Variants in ZNF737 observed in about 807,000 individuals in gnomAD.
ZNF737 encodes the protein zinc finger protein 102 (Y3).
Under a neutral mutation model 11.7 loss-of-function variants are expected in ZNF737, and 13 were observed. The ratio of observed to expected loss-of-function variants is 1.11; its 90% CI spans 0.73 to 1.77. The LOEUF is 1.77. ZNF737 is among the 40% of genes most tolerant of loss of function. The pLI is 0.00. For missense variants in ZNF737, 636 were observed against 638.0 expected (o/e 1.00, Z 0.03); for synonymous variants, 217 against 216.2 (o/e 1.00, Z -0.03).
the ZNF737 span, among the ~76,000 whole-genome samples, chr19:20,530,358 G>A: frequency 6.8e-6 from 1 of 146,034 alleles, no homozygotes; most frequent in African/African-American, 2.5e-5. Context: ...CCGGGCGGGG[G>A]GCTGACCCCC....
At chr19:20,549,610 G>A (rs1468604082) in intron 3 of ZNF737, among the ~76,000 whole-genome samples, 1 of 151,880 alleles carries the variant, frequency 6.6e-6, no homozygotes, top group East Asian at 1.9e-4. Flanking sequence ...ATAAAATCTT[G>A]TATGCAACAT....
chr19:20,556,221 AATGT>A (rs1235017358), intron 1 of ZNF737, among the ~76,000 whole-genome samples: 2 of 152,152 alleles, frequency 1.3e-5, no homozygotes, highest in Non-Finnish European at 2.9e-5. Flanking sequence ...AACGCTCATG[AATGT>A]ATTTTGCAGC....
chr19:20,535,957 A>G, downstream of ZNF737: 1 of 506,984 alleles, frequency 2.0e-6, no homozygotes, highest in Non-Finnish European at 2.5e-6. Flanking sequence ...GAGCTTCTTC[A>G]GGATTTTTCA....
At chr19:20,537,963 C>A, downstream of ZNF737, 1 of 718,076 alleles carries the variant, frequency 1.4e-6, no homozygotes, top group Non-Finnish European at 1.7e-6. Context: ...TATACATAAT[C>A]TTTTAGTAAA....
intron 1 of ZNF737, among the ~76,000 whole-genome samples, chr19:20,557,565 G>T: frequency 6.8e-6 from 1 of 147,410 alleles, no homozygotes; most frequent in Admixed American, 6.8e-5. Flanking sequence ...TGTCAACTTT[G>T]TACTACATTC....
At chr19:20,531,659 T>A (rs1287300800), downstream of ZNF737, among the ~76,000 whole-genome samples, 1 of 149,862 alleles carries the variant, frequency 6.7e-6, no homozygotes, top group African/African-American at 2.5e-5. Flanking sequence ...GCTTTCACTA[T>A]GTTGGACAGG....
At chr19:20,563,486 C>CTTTT (rs59511067) in intron 1 of ZNF737, among the ~76,000 whole-genome samples, 1 of 123,674 alleles carries the variant, frequency 8.1e-6, no homozygotes. Flanking sequence ...GAAGTGCTTA[C>CTTTT]TTTTTTTTTT....
At position 20,545,130 on chromosome 19, in the gene ZNF737, G is replaced by A. The variant is rs782201866; in HGVS notation, c.1073C>T (p.Thr358Ile). The change falls in exon 4 of 4, where the codon ACA (threonine) becomes ATA (isoleucine). Residue 358 changes from threonine (T) to isoleucine (I), a missense_variant. Thr to Ile is a moderately conservative substitution (Grantham distance 89). Transcript: ENST00000427401. ...CTCTCCACTATGAATTATCTTGTGT[G>A]TAGTAAGGGATGAGAAGTACTTAAA... Reference protein sequence around the residue: ...RAFKYFSSLTTHKIIHSGEKP... With the variant: ...RAFKYFSSLTIHKIIHSGEKP... 6.2e-7 allele frequency: 1 copy of A among 1,611,354 alleles called. No homozygotes were observed. The highest frequency in any genetic ancestry group is 8.5e-7 in the Non-Finnish European group (1 of 1,178,598).
rs529618337 is a variant in ZNF737, at chr19:20,539,469, C to T, written c.*5123G>A. 1.4e-4 allele frequency: 139 copies of T among 985,334 alleles called. No individual in the cohort carries two copies. Among genetic ancestry groups the T allele is most frequent in the South Asian group, 1.4e-3 (30 of 21,282 alleles). 61.0% of individuals were successfully genotyped at this position (985,334 alleles called of 1,614,324 possible). Reference sequence around the variant, plus strand: ...AGTCATCTGGCCATTTCTGTAAGTACGGCAATTATGCGAAGCCATTGAAAA... The same window carrying T: ...AGTCATCTGGCCATTTCTGTAAGTATGGCAATTATGCGAAGCCATTGAAAA... On this transcript the variant is annotated 3_prime_UTR_variant, in exon 4 of 4. Coordinates refer to ENST00000427401, the MANE Select transcript of ZNF737 (RefSeq NM_001159293.2).
At chr19:20,552,711 AT>A in intron 2 of ZNF737, 141 bp from the exon 3 acceptor site, 2 of 575,908 alleles carry the variant, frequency 3.5e-6, no homozygotes, top group Admixed American at 4.0e-5. Context: ...ATTTCTAAAT[AT>A]TTAGAAAATA....
At chr19:20,561,997 T>G (rs1969115767) in intron 1 of ZNF737, among the ~76,000 whole-genome samples, 1 of 152,198 alleles carries the variant, frequency 6.6e-6, no homozygotes, top group Admixed American at 6.5e-5. Flanking sequence ...AACACACAGA[T>G]AATCCTGGAA....
chr19:20,535,522 A>G (rs1967936557), downstream of ZNF737, among the ~76,000 whole-genome samples: 1 of 129,276 alleles, frequency 7.7e-6, no homozygotes, highest in Non-Finnish European at 1.6e-5. Flanking sequence ...AAAAAACAAA[A>G]TCCTCGTTTT....
Position 20,542,182 on chromosome 19 carries a change from C to G in ZNF737, c.*2410G>C. ...AATGGTTCATTAAACGCACGGTAGT[C>G]TTACCATGGTAAAAATAAAATAAAA... On this transcript the variant is annotated 3_prime_UTR_variant, in exon 4 of 4. Coordinates refer to ENST00000427401, the MANE Select transcript of ZNF737 (RefSeq NM_001159293.2). 2 of 984,458 alleles carry G rather than the reference C, an allele frequency of 2.0e-6. No homozygotes were observed. Among genetic ancestry groups the G allele is most frequent in the Non-Finnish European group, 2.4e-6 (2 of 829,262 alleles). 61.0% of individuals were successfully genotyped at this position (984,458 alleles called of 1,614,324 possible). A position where few individuals can be genotyped will look rare whatever the true frequency, so the allele number is the denominator to read the frequency against.
Position 20,543,863 on chromosome 19 carries a change from C to T in ZNF737, c.*729G>A, listed in dbSNP as rs1968319254. On this transcript the variant is annotated 3_prime_UTR_variant, in exon 4 of 4. Coordinates refer to ENST00000427401, the MANE Select transcript of ZNF737 (RefSeq NM_001159293.2). ...GAACTTGTGGCTGGGCGTCGTGGCT[C>T]ACGCCTGTAATCCCAGCACTTTAGG... 1.0e-6 allele frequency: 1 copy of T among 984,844 alleles called. No individual in the cohort carries two copies. Among genetic ancestry groups the T allele is most frequent in the Non-Finnish European group, 1.2e-6 (1 of 829,554 alleles). 61.0% of individuals were successfully genotyped at this position (984,844 alleles called of 1,614,324 possible).
chr19:20,556,922 G>A (rs1432623469), intron 1 of ZNF737, among the ~76,000 whole-genome samples: 1 of 152,108 alleles, frequency 6.6e-6, no homozygotes, highest in Admixed American at 6.6e-5. Context: ...CTGGTACTAA[G>A]GGTTTAATAG....
chr19:20,556,112 T>C (rs1255640977), intron 1 of ZNF737, among the ~76,000 whole-genome samples: 2 of 152,172 alleles, frequency 1.3e-5, no homozygotes, highest in East Asian at 1.9e-4. Flanking sequence ...ACACCATCCA[T>C]TTCTGCTACA....
chr19:20,565,548 G>T (rs1969265788), intron 1 of ZNF737, 90 bp downstream of exon 1: 4 of 1,598,578 alleles, frequency 2.5e-6, no homozygotes, highest in African/African-American at 1.3e-5. Flanking sequence ...GGAGCTGACT[G>T]CGCAGAGGCC....
chr19:20,538,002 A>C lies in ZNF737; in HGVS notation c.*6590T>G. ...TTTTCTGAGGCAGAGTAAGATTTAT[A>C]ACATTTTATTATCATATGGAAGAAG... On this transcript the variant is annotated 3_prime_UTR_variant, in exon 4 of 4. Transcript: ENST00000427401. 1.1e-6 allele frequency: 1 copy of C among 945,834 alleles called. No individual in the cohort carries two copies. The highest frequency in any genetic ancestry group is 4.9e-5 in the South Asian group (1 of 20,386). 58.6% of individuals were successfully genotyped at this position (945,834 alleles called of 1,614,324 possible).
In ZNF737 at chr19:20,538,789, G is replaced by A; in HGVS notation, c.*5803C>T. On this transcript the variant is annotated 3_prime_UTR_variant, in exon 4 of 4. Coordinates refer to ENST00000427401, the MANE Select transcript of ZNF737 (RefSeq NM_001159293.2). ...TCTTAATTTAATTGGGCTGTTATTTGCATAGCTAGATAATTACCAACTTTA... is the reference window on the plus strand; with the variant it reads ...TCTTAATTTAATTGGGCTGTTATTTACATAGCTAGATAATTACCAACTTTA... 1.0e-6 allele frequency: 1 copy of A among 985,368 alleles called. No homozygotes were observed. The highest frequency in any genetic ancestry group is 5.2e-4 in the Middle Eastern group (1 of 1,914). 61.0% of individuals were successfully genotyped at this position (985,368 alleles called of 1,614,324 possible).
Sources: allele counts gnomAD v4.1 joint callset (sites outside exome capture counted in the v4.1 genomes callset), GRCh38; gene constraint gnomAD v4.1.1; transcripts MANE v1.5; gene names NCBI Gene and HGNC (gene_info 2026-07-23, HGNC 2026-07-21).